MTCL1: variants seen among roughly 807,000 people sequenced by gnomAD.
MTCL1 encodes microtubule cross-linking factor 1.
MTCL1 carries 79 observed loss-of-function variants against 141.4 expected under a neutral mutation model. The observed-to-expected ratio is 0.56, with a 90% CI of 0.47 to 0.67. The LOEUF (loss-of-function observed/expected upper bound fraction) is 0.67. Among genes scored for constraint, MTCL1 ranks in the 30% least tolerant of loss-of-function variants. The pLI is 0.00. For synonymous variants in MTCL1, 914 were observed against 875.8 expected (o/e 1.04, Z -0.77); for missense variants, 2,177 against 2,113.9 (o/e 1.03, Z -0.59).
intron 4 of MTCL1, among the ~76,000 whole-genome samples, chr18:8,756,716 G>C (rs1325409222): frequency 1.3e-5 from 2 of 152,118 alleles, no homozygotes; most frequent in Non-Finnish European, 1.5e-5. Flanking sequence ...ATGCAGTGAG[G>C]TCCAGAATCC....
chr18:8,806,789 TG>T (rs1463864359), intron 10 of MTCL1, 103 bp from the exon 10 acceptor site: 6 of 632,564 alleles, frequency 9.5e-6, no homozygotes, highest in Non-Finnish European at 1.5e-5. Flanking sequence ...CAACAACACC[TG>T]GGAAACAGCC....
rs1038608097 is a variant in MTCL1 at position 8,810,525 on chromosome 18, A to C, written c.2605-2454A>C. The stretch of plus-strand genomic sequence containing the variant: ...AGCAGAAGTGATGTGGGGCCCAGGA[A>C]GGGGTACGCTGCATGAGGAGATTCT... On this transcript the variant is annotated intron_variant, in intron 11 of 16. Coordinates refer to ENST00000359865, the Ensembl canonical transcript of MTCL1. The surrounding 1 kb of genome is among the most constrained non-coding windows in gnomAD (Gnocchi z 5.0). 2.0e-5 allele frequency among the ~76,000 whole-genome samples: 3 copies of C among 152,168 alleles called. No homozygotes were observed. The highest frequency in any genetic ancestry group is 7.2e-5 in the African/African-American group (3 of 41,448).
chr18:8,796,552 A>G (rs2075928078), intron 9 of MTCL1, 90 bp downstream of exon 8: 3 of 1,225,848 alleles, frequency 2.4e-6, no homozygotes, highest in African/African-American at 1.5e-5. Context: ...ACACACAGTC[A>G]TGTTCTATTA....
chr18:8,738,232 T>G (rs1295613082), intron 4 of MTCL1, among the ~76,000 whole-genome samples: 1 of 152,220 alleles, frequency 6.6e-6, no homozygotes, highest in Admixed American at 6.5e-5. Flanking sequence ...TTGTATGCAT[T>G]AATCATCTGC....
chr18:8,728,700 G>A (rs866692048), intron 4 of MTCL1, among the ~76,000 whole-genome samples: 2 of 144,608 alleles, frequency 1.4e-5, no homozygotes, highest in South Asian at 4.3e-4. Context: ...CCCATGTGGG[G>A]CCTTCTTATG....
rs532985132 is a variant in MTCL1 at position 8,789,464 on chromosome 18, A to T, written c.1887+3373A>T. ...TGTTTGTGTTTGAGATTGTGAAGTT[A>T]TCTTCTTAAGTGTGGGAAGTAATTT... is the stretch of plus-strand genomic sequence containing the variant. On this transcript the variant is annotated intron_variant, in intron 7 of 16. Coordinates refer to ENST00000359865, the Ensembl canonical transcript of MTCL1. 47 of 985,474 alleles carry T rather than the reference A, an allele frequency of 4.8e-5. No individual in the cohort carries two copies. In the South Asian group the frequency reaches 1.9e-3, roughly 39 times the overall value. The allele number at this position is 985,474 out of a possible 1,614,324, so 61.0% of individuals were successfully genotyped here. A position where few individuals can be genotyped will look rare whatever the true frequency, so the allele number is the denominator to read the frequency against.
intron 12 of MTCL1, among the ~76,000 whole-genome samples, chr18:8,817,674 G>T (rs948147319): frequency 6.6e-6 from 1 of 152,186 alleles, no homozygotes; most frequent in Non-Finnish European, 1.5e-5. Flanking sequence ...ATTCAAGGAG[G>T]TTTTAGAATT....
chr18:8,718,428 A>G, exon 3 of MTCL1: 1 of 1,614,048 alleles, frequency 6.2e-7, no homozygotes, highest in Non-Finnish European at 8.5e-7. Flanking sequence ...GCATAGGATG[A>G]GTTAGATGAA....
chr18:8,785,184 T>C (rs532973659), intron 6 of MTCL1, among the ~76,000 whole-genome samples: 1 of 152,242 alleles, frequency 6.6e-6, no homozygotes, highest in East Asian at 1.9e-4. Context: ...TGCTCCTCTC[T>C]TGGTATCTCA....
At chr18:8,713,301 CTTGATG>C (rs2096106011), upstream of MTCL1, among the ~76,000 whole-genome samples, 1 of 152,204 alleles carries the variant, frequency 6.6e-6, no homozygotes, top group Non-Finnish European at 1.5e-5. Context: ...ATCCTCCAGA[CTTGATG>C]TTAATTCAGT....
chr18:8,708,555 C>A (rs761093900), intron 1 of MTCL1, among the ~76,000 whole-genome samples: 1 of 152,156 alleles, frequency 6.6e-6, no homozygotes, highest in Non-Finnish European at 1.5e-5. Flanking sequence ...GAGGTGGCAC[C>A]TGCGTTTCCC....
intron 16 of MTCL1, chr18:8,831,372 A>C: frequency 7.4e-7 from 1 of 1,359,300 alleles, no homozygotes. Flanking sequence ...ATCTCACAGT[A>C]TTGCTGTGTT....
chr18:8,803,913 G>A (rs948251530), intron 10 of MTCL1, among the ~76,000 whole-genome samples: 1 of 152,064 alleles, frequency 6.6e-6, no homozygotes, highest in African/African-American at 2.4e-5. Flanking sequence ...GTGGTGTATG[G>A]GCCAAGAACA....
chr18:8,756,055 T>A (rs2096395864), intron 4 of MTCL1, among the ~76,000 whole-genome samples: 1 of 152,224 alleles, frequency 6.6e-6, no homozygotes, highest in South Asian at 2.1e-4. Flanking sequence ...GAGGATTTCT[T>A]GAGTGCAGGA....
At chr18:8,721,882 A>G (rs1380391996) in intron 4 of MTCL1, among the ~76,000 whole-genome samples, 1 of 152,160 alleles carries the variant, frequency 6.6e-6, no homozygotes, top group African/African-American at 2.4e-5. Context: ...CATGCCTGGA[A>G]CAGTGCCTGG....
exon 15 of MTCL1, chr18:8,825,705 C>G (rs1442298765): frequency 1.9e-6 from 3 of 1,613,920 alleles, no homozygotes; most frequent in Non-Finnish European, 2.5e-6. Context: ...GCAGAGGAAG[C>G]CCCTCCCCAA....
Position 8,742,541 on chromosome 18 carries a change from G to A in MTCL1, c.357+22045G>A, listed in dbSNP as rs142941973. On this transcript the variant is annotated intron_variant, in intron 4 of 16. Transcript: ENST00000359865. ...CCCTTATAAAACCATCAGATCTCCT[G>A]AGAACTCACTCACTATCACAAGAAT... 1.3e-3 allele frequency among the ~76,000 whole-genome samples: 192 copies of A among 152,244 alleles called. 1 individual carries two copies. Among genetic ancestry groups the A allele is most frequent in the Non-Finnish European group, 2.2e-3 (147 of 68,004 alleles).
intron 4 of MTCL1, among the ~76,000 whole-genome samples, chr18:8,774,183 T>TA (rs2096495808): frequency 6.6e-6 from 1 of 152,186 alleles, no homozygotes; most frequent in Non-Finnish European, 1.5e-5. Context: ...CAACTTCTGT[T>TA]CTTGATGAGT....
chr18:8,705,942 C>G lies in MTCL1; in HGVS notation c.282C>G (p.Pro94=). 9.1e-7 allele frequency: 1 copy of G among 1,094,686 alleles called. No individual in the cohort carries two copies. The highest frequency in any genetic ancestry group is 1.7e-5 in the African/African-American group (1 of 59,364). 67.8% of individuals were successfully genotyped at this position (1,094,686 alleles called of 1,614,324 possible). Residue 94 remains proline, a synonymous_variant, in exon 1 of 14, where the codon CCC becomes CCG. Transcript: ENST00000306329. The surrounding 1 kb of genome is among the most constrained non-coding windows in gnomAD (Gnocchi z 5.2). Reference sequence around the variant, plus strand: ...CCTCGCCGGGGTCCCTGGCCGCGCCCGGCCGCCTCTCTCGGCGCAGTGGCG... The same window carrying G: ...CCTCGCCGGGGTCCCTGGCCGCGCCGGGCCGCCTCTCTCGGCGCAGTGGCG...
Sources: allele counts gnomAD v4.1 joint callset (sites outside exome capture counted in the v4.1 genomes callset), GRCh38; gene constraint gnomAD v4.1.1; non-coding constraint Gnocchi (gnomAD v3.1); transcripts MANE v1.5; gene names NCBI Gene and HGNC (gene_info 2026-07-23, HGNC 2026-07-21).